The following VAV2 variants were observed in gnomAD, a reference collection of about 807,000 sequenced individuals.
VAV2 encodes the protein vav guanine nucleotide exchange factor 2.
A neutral mutation model predicts 132.5 loss-of-function variants in VAV2; 67 were observed. The ratio of observed to expected loss-of-function variants is 0.51; its 90% CI spans 0.42 to 0.62. VAV2 has a LOEUF of 0.62. Ranked by LOEUF, VAV2 falls within the 20% of genes least tolerant of loss-of-function variation. The pLI is 0.00. For missense variants in VAV2, 938 were observed against 1,153.6 expected, an observed-to-expected ratio of 0.81 and a Z score of 2.71; for synonymous variants, 492 against 443.5, an observed-to-expected ratio of 1.11 and a Z score of -1.37.
intron 3 of VAV2, among the ~76,000 whole-genome samples, chr9:133,837,206 G>A (rs986544034): frequency 6.6e-6 from 1 of 152,206 alleles, no homozygotes; most frequent in Non-Finnish European, 1.5e-5. Context: ...CTGTACTTAG[G>A]GGGGCCCAAC....
rs932076920 is a variant in VAV2, at chr9:133,826,860, C to A, written c.449+7412G>T. Among the ~76,000 whole-genome samples the A allele has an allele frequency of 6.6e-6, 1 of 152,160 alleles. No homozygotes were observed. The highest frequency in any genetic ancestry group is 1.5e-5 in the Non-Finnish European group (1 of 68,018). ...CCCTGCTGGGGACTGGGGTGTGCAG[C>A]CTACTTCACAGACAGGCAAGGGCAA... On this transcript the variant is annotated intron_variant, in intron 4 of 29. Transcript: ENST00000371850. The surrounding 1 kb of genome is among the most constrained non-coding windows in gnomAD (Gnocchi z 4.2).
intron 23 of VAV2, among the ~76,000 whole-genome samples, chr9:133,777,153 A>T (rs1249063773): frequency 6.6e-6 from 1 of 152,054 alleles, no homozygotes; most frequent in Non-Finnish European, 1.5e-5. Flanking sequence ...TGTTTCTAAA[A>T]CCACAACGAA....
intron 1 of VAV2, among the ~76,000 whole-genome samples, chr9:133,941,191 A>G (rs773982638): frequency 1.3e-5 from 2 of 152,070 alleles, no homozygotes; most frequent in Non-Finnish European, 2.9e-5. Flanking sequence ...GTAGATCACT[A>G]GAGGTCAGGA....
chr9:133,933,258 C>A (rs921450933), intron 2 of VAV2, among the ~76,000 whole-genome samples: 2 of 152,284 alleles, frequency 1.3e-5, no homozygotes, highest in African/African-American at 4.8e-5. Flanking sequence ...TACTTTCTCA[C>A]TCCTCTCTCC....
intron 2 of VAV2, among the ~76,000 whole-genome samples, chr9:133,913,007 C>T (rs574662642): frequency 6.6e-6 from 1 of 152,314 alleles, no homozygotes; most frequent in South Asian, 2.1e-4. Flanking sequence ...TCTGAAGGCC[C>T]AGCCTGACCC....
chr9:133,985,952 A>G lies in VAV2; in HGVS notation c.204+6123T>C, dbSNP rs1842845658. 3.9e-5 allele frequency among the ~76,000 whole-genome samples: 6 copies of G among 152,110 alleles called. No individual in the cohort carries two copies. In the South Asian group the frequency reaches 1.2e-3, roughly 32 times the overall value. On this transcript the variant is annotated intron_variant, in intron 1 of 29. Coordinates refer to ENST00000371850, the MANE Select transcript of VAV2 (RefSeq NM_001134398.2). ...AAGGGACAGAATGAGGGAGGGAGAG[A>G]GGGAAAAGAAAAGCAGAGATGGATG...
intron 14 of VAV2, 78 bp downstream of exon 14, chr9:133,789,180 A>C: frequency 6.5e-7 from 1 of 1,531,702 alleles, no homozygotes; most frequent in Non-Finnish European, 9.0e-7. Flanking sequence ...TTCCAGAGCC[A>C]CTTAGGAGTG....
intron 1 of VAV2, among the ~76,000 whole-genome samples, chr9:133,987,228 T>C (rs901820728): frequency 1.3e-5 from 2 of 151,798 alleles, no homozygotes; most frequent in African/African-American, 4.8e-5. Context: ...AGCTGCTGAG[T>C]TTTGCAGAAG....
chr9:133,873,951 G>A (rs546703012), intron 2 of VAV2, among the ~76,000 whole-genome samples: 6 of 152,308 alleles, frequency 3.9e-5, no homozygotes, highest in South Asian at 4.1e-4. Context: ...GCTAACCACC[G>A]TCTAGGCCTC....
Position 133,797,774 on chromosome 9 carries a change from T to C in VAV2, c.872A>G (p.Glu291Gly). 6.2e-7 allele frequency: 1 copy of C among 1,614,022 alleles called. No individual in the cohort carries two copies. Among genetic ancestry groups the C allele is most frequent in the South Asian group, 1.1e-5 (1 of 91,068 alleles). ...CTGGTTCAGTGTGTTCTGGGCGTGCTCCATGTGGCTGCAGTACTCCCCGTA... is the reference window on the plus strand; with the variant it reads ...CTGGTTCAGTGTGTTCTGGGCGTGCCCCATGTGGCTGCAGTACTCCCCGTA... ...LIYGEYCSHM[E>G]HAQNTLNQLL... is the part of the protein sequence containing the mutation. Residue 291 changes from glutamate (E) to glycine (G), a missense_variant, in exon 10 of 30, where the codon GAG (glutamate) becomes GGG (glycine). Transcript: ENST00000371850.
chr9:133,768,094 G>A lies in VAV2; in HGVS notation c.2589+348C>T, dbSNP rs77681861. On this transcript the variant is annotated intron_variant, in intron 29 of 29. Transcript: ENST00000371850. This position sits in a 1 kb window ranked among gnomAD's most constrained non-coding sequence, Gnocchi z 5.3. ...CCTCAGTCCTGTGACCTCCCTTCCCGCAAACAGAGCTTGGGGACTTGCAAG... is the reference window on the plus strand; with the variant it reads ...CCTCAGTCCTGTGACCTCCCTTCCCACAAACAGAGCTTGGGGACTTGCAAG... 0.015 allele frequency among the ~76,000 whole-genome samples: 2,313 copies of A among 152,138 alleles called. 63 individuals are homozygous for A. The highest frequency in any genetic ancestry group is 0.052 in the African/African-American group (2,174 of 41,484).
At chr9:133,864,165 A>G (rs1837707850) in intron 2 of VAV2, among the ~76,000 whole-genome samples, 1 of 152,250 alleles carries the variant, frequency 6.6e-6, no homozygotes, top group Non-Finnish European at 1.5e-5. Context: ...AAACGAATGA[A>G]GACGCACAGC....
Position 133,824,840 on chromosome 9 carries a change from T to A in VAV2, c.449+9432A>T, listed in dbSNP as rs1835922112. ...ACGACTCTGACCAGGTGCCTTCCTC[T>A]CTCAGAGCCCCGTCTCCTTCCTGTC... is the stretch of plus-strand genomic sequence containing the variant. On this transcript the variant is annotated intron_variant, in intron 4 of 29. Coordinates refer to ENST00000371850, the MANE Select transcript of VAV2 (RefSeq NM_001134398.2). This position sits in a 1 kb window ranked among gnomAD's most constrained non-coding sequence, Gnocchi z 5.2. Among the ~76,000 whole-genome samples, 1 of 152,120 alleles carries A rather than the reference T, an allele frequency of 6.6e-6. No individual in the cohort carries two copies. Among genetic ancestry groups the A allele is most frequent in the African/African-American group, 2.4e-5 (1 of 41,440 alleles).
chr9:133,873,846 A>G (rs1162618797), intron 2 of VAV2, among the ~76,000 whole-genome samples: 1 of 152,180 alleles, frequency 6.6e-6, no homozygotes, highest in African/African-American at 2.4e-5. Context: ...TCACAAGCCC[A>G]CCCAGCAACT....
intron 9 of VAV2, among the ~76,000 whole-genome samples, chr9:133,799,102 G>A (rs529051499): frequency 1.6e-4 from 24 of 152,354 alleles, no homozygotes; most frequent in South Asian, 6.2e-4. Context: ...GGGGAGAAGC[G>A]TCCTGATGGT....
chr9:133,898,027 A>G (rs1839282529), intron 2 of VAV2, among the ~76,000 whole-genome samples: 1 of 152,104 alleles, frequency 6.6e-6, no homozygotes, highest in Non-Finnish European at 1.5e-5. Flanking sequence ...CTCTGCCCAG[A>G]CAGACCACGC....
chr9:133,775,935 G>C, intron 24 of VAV2, 93 bp downstream of exon 24: 1 of 1,478,400 alleles, frequency 6.8e-7, no homozygotes, highest in Non-Finnish European at 9.1e-7. Context: ...CACCCTGCTG[G>C]GCCGCTCACA....
At chr9:133,920,544 C>A (rs10993860) in intron 2 of VAV2, among the ~76,000 whole-genome samples, 7 of 152,094 alleles carry the variant, frequency 4.6e-5, no homozygotes, top group African/African-American at 1.7e-4. Flanking sequence ...ACTGAGGTCC[C>A]TGAGGCCACA....
intron 2 of VAV2, among the ~76,000 whole-genome samples, chr9:133,873,881 G>A (rs952332631): frequency 5.9e-5 from 9 of 152,334 alleles, no homozygotes; most frequent in South Asian, 2.1e-4. Flanking sequence ...AGCCTAGAAC[G>A]AGGGGTTCCT....
Sources: allele counts gnomAD v4.1 joint callset (sites outside exome capture counted in the v4.1 genomes callset), GRCh38; gene constraint gnomAD v4.1.1; non-coding constraint Gnocchi (gnomAD v3.1); transcripts MANE v1.5; gene names NCBI Gene and HGNC (gene_info 2026-07-23, HGNC 2026-07-21).